Variants in UBE2L3 observed in about 807,000 individuals in gnomAD.
The protein encoded by UBE2L3 is ubiquitin-conjugating enzyme E2 L3.
Under a neutral mutation model 17.8 loss-of-function variants are expected in UBE2L3, and 1 was observed. The ratio of observed to expected loss-of-function variants is 0.06; its 90% CI spans 0.02 to 0.27. The LOEUF is 0.27. Ranked by LOEUF, UBE2L3 falls within the 10% of genes least tolerant of loss-of-function variation. UBE2L3 has a pLI of 1.00. For missense variants in UBE2L3, 40 were observed against 192.6 expected (o/e 0.21, Z 4.69); for synonymous variants, 44 against 68.5 (o/e 0.64, Z 1.76).
chr22:21,577,663 A>C (rs1927389799), intron 1 of UBE2L3, among the ~76,000 whole-genome samples: 1 of 152,144 alleles, frequency 6.6e-6, no homozygotes, highest in Non-Finnish European at 1.5e-5. Context: ...GGTCTTGAGG[A>C]AGGGACAAGA....
Position 21,621,618 on chromosome 22 carries a change from G to A in UBE2L3, c.414G>A (p.Lys138=), listed in dbSNP as rs779388050. 1 of 1,607,168 alleles carries A rather than the reference G, an allele frequency of 6.2e-7. No homozygotes were observed. ...EYSKDRKKFC[K]NAEEFTKKYG... is the part of the protein sequence containing the mutation. ...CTAAGGACCGTAAAAAATTCTGTAA[G>A]AATGCTGAAGAGTTTACAAAGAAAT... The change falls in exon 4 of 4, where the codon AAG becomes AAA. Residue 138 remains lysine, a synonymous_variant. Coordinates refer to ENST00000342192, the MANE Select transcript of UBE2L3 (RefSeq NM_003347.4).
intron 1 of UBE2L3, among the ~76,000 whole-genome samples, chr22:21,588,032 A>C (rs1928041700): frequency 6.6e-6 from 1 of 152,170 alleles, no homozygotes; most frequent in African/African-American, 2.4e-5. Context: ...GGAATGTGTG[A>C]GCTGCCTGGT....
chr22:21,567,509 G>A, upstream of UBE2L3: 2 of 821,388 alleles, frequency 2.4e-6, no homozygotes, highest in East Asian at 5.6e-5. Flanking sequence ...CTATGTGCCA[G>A]GCACTGGTTG....
Position 21,575,690 on chromosome 22 carries a change from T to A in UBE2L3, c.27+7919T>A, listed in dbSNP as rs1027896194. Among the ~76,000 whole-genome samples the A allele has an allele frequency of 9.2e-5, 10 of 109,162 alleles. 2 individuals are homozygous for A. The highest frequency in any genetic ancestry group is 3.6e-4 in the African/African-American group (10 of 27,630). The allele number at this position is 109,162 out of a possible 152,430, so 71.6% of individuals were successfully genotyped here. A position where few individuals can be genotyped will look rare whatever the true frequency, so the allele number is the denominator to read the frequency against. Reference sequence around the variant, plus strand: ...CGGAGTCTCACTCTGTCACCCAGGCTGGAGTGCAGTGGCACCATCTCAGCT... The same window carrying A: ...CGGAGTCTCACTCTGTCACCCAGGCAGGAGTGCAGTGGCACCATCTCAGCT... On this transcript the variant is annotated intron_variant, in intron 1 of 3. Coordinates refer to ENST00000342192, the MANE Select transcript of UBE2L3 (RefSeq NM_003347.4).
rs1378750945 is a variant in UBE2L3 at position 21,576,734 on chromosome 22, G to A, written c.27+8963G>A. On this transcript the variant is annotated intron_variant, in intron 1 of 3. Transcript: ENST00000342192. ...CAGATGTGAGCCACTGCGCCTGGCCGAAAGCAACTCTTGATTGAGAAGTTG... is the reference window on the plus strand; with the variant it reads ...CAGATGTGAGCCACTGCGCCTGGCCAAAAGCAACTCTTGATTGAGAAGTTG... Among the ~76,000 whole-genome samples the A allele has an allele frequency of 2.6e-5, 4 of 151,356 alleles. No individual in the cohort carries two copies. The East Asian group carries it at 5.9e-4, about 22-fold the overall frequency.
chr22:21,556,088 G>T (rs576466691), intron 1 of UBE2L3, among the ~76,000 whole-genome samples: 1 of 152,352 alleles, frequency 6.6e-6, no homozygotes, highest in African/African-American at 2.4e-5. Context: ...AAAATTAACT[G>T]GGCATGGTGG....
chr22:21,621,385 C>G, intron 3 of UBE2L3, 130 bp from the exon 4 acceptor site: 2 of 1,210,588 alleles, frequency 1.7e-6, no homozygotes, highest in Non-Finnish European at 2.2e-6. Flanking sequence ...TAGGAGGCAG[C>G]TTTGGCTTAA....
At chr22:21,598,428 A>T (rs189252459) in intron 2 of UBE2L3, among the ~76,000 whole-genome samples, 388 of 148,402 alleles carry the variant, frequency 2.6e-3, no homozygotes, top group Middle Eastern at 0.014. Flanking sequence ...TTCCCTTGTG[A>T]TTTCTTCTTT....
chr22:21,578,839 G>A (rs1927466266), intron 1 of UBE2L3, among the ~76,000 whole-genome samples: 1 of 152,072 alleles, frequency 6.6e-6, no homozygotes, highest in South Asian at 2.1e-4. Context: ...CTGTGATAGA[G>A]TAAGAGTTCA....
intron 3 of UBE2L3, among the ~76,000 whole-genome samples, chr22:21,615,397 T>TA (rs925319414): frequency 2.0e-5 from 3 of 150,560 alleles, no homozygotes; most frequent in Non-Finnish European, 3.0e-5. Flanking sequence ...TTACTAAAAA[T>TA]AAAAAAAATT....
chr22:21,583,969 G>A (rs1246455989), intron 1 of UBE2L3, among the ~76,000 whole-genome samples: 3 of 152,068 alleles, frequency 2.0e-5, no homozygotes, highest in Non-Finnish European at 4.4e-5. Context: ...CCTGCCTCCT[G>A]GGTTCAAGCG....
chr22:21,563,792 G>C (rs995036354), upstream of UBE2L3, among the ~76,000 whole-genome samples: 1 of 151,432 alleles, frequency 6.6e-6, no homozygotes, highest in Non-Finnish European at 1.5e-5. Flanking sequence ...GGCCAGGCTG[G>C]TCTCGAACTC....
intron 1 of UBE2L3, among the ~76,000 whole-genome samples, chr22:21,578,364 GAAAA>G (rs34977459): frequency 2.4e-5 from 3 of 127,612 alleles, no homozygotes; most frequent in Non-Finnish European, 5.1e-5. Flanking sequence ...TGTCTCGAAA[GAAAA>G]AAAAAAAAAA....
chr22:21,605,189 T>TTTTTG (rs1210396462), intron 2 of UBE2L3, among the ~76,000 whole-genome samples: 2 of 152,114 alleles, frequency 1.3e-5, no homozygotes, highest in Non-Finnish European at 2.9e-5. Flanking sequence ...AAAGGACTTG[T>TTTTTG]TTTTGTTTTG....
intron 1 of UBE2L3, among the ~76,000 whole-genome samples, chr22:21,578,047 C>T (rs571896685): frequency 1.3e-5 from 2 of 152,160 alleles, no homozygotes; most frequent in Non-Finnish European, 2.9e-5. Context: ...TGTTTCACAC[C>T]AGCACGCCTC....
rs373372836 is a variant in UBE2L3, at chr22:21,558,109, G to A, written c.201+8459G>A. ...CCCCAGTCTATGACTTTTGGGCCAC[G>A]GAGTCTGGGTTCCTGGGCAACCTGG... On this transcript the variant is annotated intron_variant, in intron 1 of 3. Transcript: ENST00000458578. Among the ~76,000 whole-genome samples, 6 of 150,724 alleles carry A rather than the reference G, an allele frequency of 4.0e-5. No homozygotes were observed. The East Asian group carries it at 5.8e-4, about 15-fold the overall frequency.
intron 2 of UBE2L3, among the ~76,000 whole-genome samples, chr22:21,604,378 A>G (rs1929038339): frequency 6.6e-6 from 1 of 152,130 alleles, no homozygotes; most frequent in South Asian, 2.1e-4. Context: ...CTGCGCCTGT[A>G]ATCCCAGCTA....
At chr22:21,607,198 G>A (rs1929221111) in intron 2 of UBE2L3, among the ~76,000 whole-genome samples, 1 of 151,994 alleles carries the variant, frequency 6.6e-6, no homozygotes, top group Non-Finnish European at 1.5e-5. Flanking sequence ...TGGGGCTGGG[G>A]TGTAGGGCTG....
Position 21,621,970 on chromosome 22 carries a change from C to A in UBE2L3, c.*301C>A. 7 of 302,262 alleles carry A rather than the reference C, an allele frequency of 2.3e-5. No homozygotes were observed. Among genetic ancestry groups the A allele is most frequent in the Middle Eastern group, 1.0e-3 (1 of 998 alleles). 18.7% of individuals were successfully genotyped at this position (302,262 alleles called of 1,614,324 possible). On this transcript the variant is annotated 3_prime_UTR_variant, in exon 4 of 4. Coordinates refer to ENST00000342192, the MANE Select transcript of UBE2L3 (RefSeq NM_003347.4). ...AATTTTATCCAAAATCTTCAAGTTA[C>A]ATTTAACCCATAAGGTTTAAAAAAA...
Sources: allele counts gnomAD v4.1 joint callset (sites outside exome capture counted in the v4.1 genomes callset), GRCh38; gene constraint gnomAD v4.1.1; transcripts MANE v1.5; gene names NCBI Gene and HGNC (gene_info 2026-07-23, HGNC 2026-07-21).